Variants in RALGAPA1 observed in about 807,000 individuals in gnomAD.
RALGAPA1 encodes ral GTPase-activating protein subunit alpha-1.
A neutral mutation model predicts 269.6 loss-of-function variants in RALGAPA1; 52 were observed. That is an observed-to-expected ratio of 0.19 (90% confidence interval 0.15 to 0.24). The LOEUF is 0.24. Among genes scored for constraint, RALGAPA1 ranks in the 10% least tolerant of loss-of-function variants. RALGAPA1 has a pLI of 1.00. For synonymous variants in RALGAPA1, 817 were observed against 1,008.3 expected, an observed-to-expected ratio of 0.81 and a Z score of 3.60; for missense variants, 1,917 against 3,013.9, an observed-to-expected ratio of 0.64 and a Z score of 8.52.
intron 41 of RALGAPA1, among the ~76,000 whole-genome samples, chr14:35,542,773 A>G (rs1406930966): frequency 6.6e-6 from 1 of 152,206 alleles, no homozygotes; most frequent in Non-Finnish European, 1.5e-5. Flanking sequence ...TGCATACCGT[A>G]TCTGTTACTA....
At chr14:35,597,264 T>C (rs764763359) in intron 36 of RALGAPA1, among the ~76,000 whole-genome samples, 5 of 152,198 alleles carry the variant, frequency 3.3e-5, no homozygotes, top group African/African-American at 1.2e-4. Context: ...CCACCAACAA[T>C]GTATGAGAAT....
chr14:35,685,931 A>G (rs2140406517), intron 19 of RALGAPA1, among the ~76,000 whole-genome samples: 1 of 152,174 alleles, frequency 6.6e-6, no homozygotes, highest in South Asian at 2.1e-4. Context: ...CTTCCCTAAC[A>G]ATTAAGCATT....
chr14:35,657,576 T>A (rs964514377), intron 28 of RALGAPA1, among the ~76,000 whole-genome samples: 6 of 151,992 alleles, frequency 3.9e-5, no homozygotes, highest in Non-Finnish European at 8.8e-5. Context: ...CTGGGGTTTT[T>A]CCATATTCTC....
At chr14:35,790,681 GTC>G (rs2076099222) in intron 1 of RALGAPA1, among the ~76,000 whole-genome samples, 1 of 124,054 alleles carries the variant, frequency 8.1e-6, no homozygotes, top group Admixed American at 8.9e-5. Flanking sequence ...AGAAGAGACT[GTC>G]TAAAAAAAAA....
At chr14:35,790,664 G>A (rs2076097448) in intron 1 of RALGAPA1, among the ~76,000 whole-genome samples, 1 of 149,916 alleles carries the variant, frequency 6.7e-6, no homozygotes, top group African/African-American at 2.5e-5. Context: ...CTCCAGCCTG[G>A]GTGACAAGAA....
At chr14:35,601,240 T>C (rs977067209) in intron 36 of RALGAPA1, among the ~76,000 whole-genome samples, 8 of 152,210 alleles carry the variant, frequency 5.3e-5, no homozygotes, top group African/African-American at 1.7e-4. Flanking sequence ...CTCAGTAATA[T>C]TGGTGGCGAT....
intron 5 of RALGAPA1, among the ~76,000 whole-genome samples, chr14:35,761,229 T>C (rs561360650): frequency 9.2e-5 from 14 of 152,314 alleles, no homozygotes; most frequent in African/African-American, 3.4e-4. Context: ...ACTTGTTCTC[T>C]ATTTAAAGCC....
At chr14:35,634,894 C>G (rs1225764531) in intron 32 of RALGAPA1, 137 bp from the exon 33 acceptor site, 2 of 845,314 alleles carry the variant, frequency 2.4e-6, no homozygotes, top group Non-Finnish European at 3.4e-6. Context: ...AGGCCTGGCA[C>G]AGTGGCTCAT....
intron 35 of RALGAPA1, among the ~76,000 whole-genome samples, chr14:35,625,044 G>T (rs2060903115): frequency 6.7e-6 from 1 of 148,972 alleles, no homozygotes; most frequent in Non-Finnish European, 1.5e-5. Flanking sequence ...ACAAAAAAAA[G>T]TTAGCCGGGT....
intron 35 of RALGAPA1, among the ~76,000 whole-genome samples, chr14:35,620,863 G>A (rs1264162248): frequency 6.6e-6 from 1 of 152,004 alleles, no homozygotes; most frequent in African/African-American, 2.4e-5. Context: ...AAATAAAAGA[G>A]GACACAAACA....
chr14:35,635,418 T>C (rs756970553), intron 32 of RALGAPA1, 46 bp downstream of exon 32: 2 of 1,512,864 alleles, frequency 1.3e-6, no homozygotes, highest in Non-Finnish European at 1.8e-6. Context: ...CTCTAGGTTT[T>C]AAAAACTCTT....
At chr14:35,681,546 A>C (rs1306291285) in intron 21 of RALGAPA1, among the ~76,000 whole-genome samples, 2 of 152,226 alleles carry the variant, frequency 1.3e-5, no homozygotes, top group African/African-American at 4.8e-5. Flanking sequence ...TTAAGAAATA[A>C]AAAATATCTT....
chr14:35,683,693 G>GA, intron 21 of RALGAPA1, 116 bp downstream of exon 21: 1 of 796,306 alleles, frequency 1.3e-6, no homozygotes. Flanking sequence ...AAAGATGAAT[G>GA]AAAAAATATA....
rs991902722 is a variant in RALGAPA1, at chr14:35,689,544, T to G, written c.2867A>C (p.Lys956Thr). 18 of 1,241,976 alleles carry G rather than the reference T, an allele frequency of 1.4e-5. No individual in the cohort carries two copies. In the Admixed American group the frequency reaches 4.5e-4, roughly 31 times the overall value. The allele number at this position is 1,241,976 out of a possible 1,614,324, so 76.9% of individuals were successfully genotyped here. The change falls in exon 18 of 42, where the codon AAA (lysine) becomes ACA (threonine). Residue 956 changes from lysine (K) to threonine (T), a missense_variant. By Grantham distance (78) the Lys-to-Thr change is moderately conservative (BLOSUM62 -1). Around this residue, in one of 11 missense-constraint regions of RALGAPA1, gnomAD observed 615 missense variants for 790.0 expected, o/e 0.78. Coordinates refer to ENST00000680220, the MANE Select transcript of RALGAPA1 (RefSeq NM_001346249.2). ...AGCTGGGTCTTTCCCTGTCTCATTT[T>G]TACTATGATTTTCCTGGTTTTCCTT... ...YFKENQENHS[K>T]NETGKDPASQ...
At chr14:35,553,131 G>C (rs2055184038) in intron 39 of RALGAPA1, among the ~76,000 whole-genome samples, 1 of 152,238 alleles carries the variant, frequency 6.6e-6, no homozygotes, top group African/African-American at 2.4e-5. Flanking sequence ...CAAATACGGG[G>C]TAACACAAAA....
intron 41 of RALGAPA1, among the ~76,000 whole-genome samples, chr14:35,545,018 G>C (rs2054327712): frequency 6.6e-6 from 1 of 152,106 alleles, no homozygotes; most frequent in Admixed American, 6.5e-5. Context: ...CTGCACTCCA[G>C]CCTCTGTCTC....
chr14:35,747,721 C>T (rs1168060271), intron 10 of RALGAPA1, among the ~76,000 whole-genome samples: 1 of 152,178 alleles, frequency 6.6e-6, no homozygotes, highest in Non-Finnish European at 1.5e-5. Context: ...GAATGATCCC[C>T]CTCAGCTGCA....
chr14:35,633,618 T>C (rs568181369), intron 33 of RALGAPA1, among the ~76,000 whole-genome samples: 11 of 152,226 alleles, frequency 7.2e-5, no homozygotes, highest in Middle Eastern at 6.8e-3. Context: ...ATAATGACAA[T>C]ATGGATGTAT....
At chr14:35,597,348 C>T (rs2058990611) in intron 36 of RALGAPA1, among the ~76,000 whole-genome samples, 1 of 152,056 alleles carries the variant, frequency 6.6e-6, no homozygotes, top group Admixed American at 6.6e-5. Context: ...TGATAGGTGA[C>T]AAATGGTATC....
Sources: gnomAD v4.1 joint callset for allele counts (sites outside exome capture counted in the v4.1 genomes callset) on GRCh38, gnomAD v4.1.1 for gene constraint, gnomAD v4.1.1 regional missense constraint, MANE v1.5 for transcripts, NCBI Gene and HGNC (gene_info 2026-07-23, HGNC 2026-07-21) for gene names.